Variants in PALM2AKAP2 observed in about 807,000 individuals in gnomAD.
PALM2AKAP2 encodes the protein PALM2-AKAP2 fusion protein.
Under a neutral mutation model 71.5 loss-of-function variants are expected in PALM2AKAP2, and 37 were observed. The observed-to-expected ratio is 0.52, with a 90% CI of 0.40 to 0.68. PALM2AKAP2 has a LOEUF of 0.68. Ranked by LOEUF, PALM2AKAP2 falls within the 30% of genes least tolerant of loss-of-function variation. The pLI, the probability that PALM2AKAP2 is intolerant of heterozygous loss-of-function variation, is 0.00. For synonymous variants in PALM2AKAP2, 468 were observed against 478.8 expected (o/e 0.98, Z 0.29); for missense variants, 1,224 against 1,191.8 (o/e 1.03, Z -0.40).
intron 1 of PALM2AKAP2, among the ~76,000 whole-genome samples, chr9:110,084,145 C>G (rs1265554024): frequency 1.3e-5 from 2 of 152,134 alleles, no homozygotes; most frequent in Non-Finnish European, 2.9e-5. Context: ...AAAGTTTAGG[C>G]TTGAATTAGC....
chr9:110,066,573 C>T (rs1197975262), intron 1 of PALM2AKAP2, among the ~76,000 whole-genome samples: 2 of 151,964 alleles, frequency 1.3e-5, no homozygotes, highest in African/African-American at 2.4e-5. Context: ...TGGTGCACAC[C>T]TGTAGTCCTG....
intron 1 of PALM2AKAP2, among the ~76,000 whole-genome samples, chr9:109,656,922 T>C (rs762682769): frequency 2.0e-5 from 3 of 152,236 alleles, no homozygotes; most frequent in Non-Finnish European, 4.4e-5. Flanking sequence ...CACCATTATA[T>C]TGTAGCAATA....
At chr9:110,150,928 A>G (rs966754213) in intron 2 of PALM2AKAP2, among the ~76,000 whole-genome samples, 2 of 152,230 alleles carry the variant, frequency 1.3e-5, no homozygotes, top group Admixed American at 6.5e-5. Context: ...AGTCTAAAAC[A>G]TCATTTATAA....
In PALM2AKAP2 at chr9:109,736,446, C is replaced by CTATTG. The variant is rs1328147528; in HGVS notation, c.6-44041_6-44037dup. 9.8e-5 allele frequency among the ~76,000 whole-genome samples: 15 copies of CTATTG among 152,292 alleles called. No homozygotes were observed. The South Asian group carries it at 3.1e-3, about 32-fold the overall frequency. On this transcript the variant is annotated intron_variant, in intron 1 of 6. Transcript: ENST00000374531. ...GTGAATTCAGACCACCACTCAGTCACTATTGGCCAAACAATAGTCTAAGCA... is the reference window on the plus strand; with the variant it reads ...GTGAATTCAGACCACCACTCAGTCACTATTGTATTGGCCAAACAATAGTCTAAGCA...
chr9:109,648,747 C>T (rs75278104), intron 1 of PALM2AKAP2, among the ~76,000 whole-genome samples: 5,441 of 152,232 alleles, frequency 0.036, 308 homozygotes, highest in African/African-American at 0.12. Context: ...GCAGTCAGAA[C>T]ACCACCAGCC....
intron 6 of PALM2AKAP2, among the ~76,000 whole-genome samples, chr9:109,978,965 CACAA>C (rs1832218482): frequency 6.6e-6 from 1 of 151,850 alleles, no homozygotes; most frequent in Non-Finnish European, 1.5e-5. Context: ...CTGTCTTCTC[CACAA>C]GCCTCTCTGC....
upstream of PALM2AKAP2, among the ~76,000 whole-genome samples, chr9:110,045,724 C>T (rs1290940927): frequency 6.6e-6 from 1 of 152,210 alleles, no homozygotes; most frequent in Non-Finnish European, 1.5e-5. Flanking sequence ...TCTGCCACCA[C>T]GTCTGGCTAA....
chr9:110,129,250 A>G (rs1020940850), intron 1 of PALM2AKAP2, among the ~76,000 whole-genome samples: 1 of 152,252 alleles, frequency 6.6e-6, no homozygotes, highest in African/African-American at 2.4e-5. Flanking sequence ...TAAAGGGATC[A>G]TCGACTTTTA....
At chr9:110,013,484 A>T (rs1394716850) in intron 6 of PALM2AKAP2, among the ~76,000 whole-genome samples, 2 of 152,242 alleles carry the variant, frequency 1.3e-5, no homozygotes, top group East Asian at 3.8e-4. Flanking sequence ...TGTCAAGGAA[A>T]TAATCTATTC....
chr9:109,748,157 G>C (rs1355756605), intron 1 of PALM2AKAP2, among the ~76,000 whole-genome samples: 1 of 152,174 alleles, frequency 6.6e-6, no homozygotes, highest in Non-Finnish European at 1.5e-5. Flanking sequence ...GAATGAAGTA[G>C]AGTTGTGTTT....
upstream of PALM2AKAP2, among the ~76,000 whole-genome samples, chr9:109,778,987 C>G (rs1829390306): frequency 6.6e-6 from 1 of 152,130 alleles, no homozygotes; most frequent in Non-Finnish European, 1.5e-5. Context: ...CCAGGCTGGT[C>G]TCGAACTCCT....
intron 3 of PALM2AKAP2, among the ~76,000 whole-genome samples, chr9:109,896,283 C>T (rs1587992113): frequency 6.6e-6 from 1 of 152,168 alleles, no homozygotes; most frequent in Non-Finnish European, 1.5e-5. Context: ...ATTCAATTAC[C>T]TCCCCACCAG....
intron 2 of PALM2AKAP2, among the ~76,000 whole-genome samples, chr9:109,879,470 G>C (rs765119315): frequency 5.3e-5 from 8 of 152,192 alleles, no homozygotes; most frequent in Non-Finnish European, 1.2e-4. Flanking sequence ...AGTAGCTGCT[G>C]CCGTCTGCCA....
intron 6 of PALM2AKAP2, among the ~76,000 whole-genome samples, chr9:109,938,718 T>C (rs530806555): frequency 1.3e-5 from 2 of 152,278 alleles, no homozygotes; most frequent in African/African-American, 4.8e-5. Flanking sequence ...CTTTAACTAT[T>C]TCTCCTGAAG....
intron 2 of PALM2AKAP2, among the ~76,000 whole-genome samples, chr9:110,150,916 A>G (rs184473418): frequency 6.6e-6 from 1 of 152,340 alleles, no homozygotes; most frequent in Admixed American, 6.5e-5. Flanking sequence ...TCTAAGTTTG[A>G]GAGTCTAAAA....
chr9:109,772,681 A>T, intron 1 of PALM2AKAP2, among the ~76,000 whole-genome samples: 1 of 152,256 alleles, frequency 6.6e-6, no homozygotes, highest in East Asian at 1.9e-4. Context: ...CAAGGAGTGA[A>T]TGAGAGCCCC....
chr9:109,996,415 G>A (rs1489729278), intron 6 of PALM2AKAP2, among the ~76,000 whole-genome samples: 1 of 152,220 alleles, frequency 6.6e-6, no homozygotes, highest in Non-Finnish European at 1.5e-5. Context: ...CTTGCTGCAA[G>A]TCTCATGGTT....
intron 1 of PALM2AKAP2, among the ~76,000 whole-genome samples, chr9:110,092,775 T>A (rs1205101239): frequency 2.0e-5 from 3 of 152,208 alleles, no homozygotes; most frequent in Non-Finnish European, 4.4e-5. Flanking sequence ...TCCCTCTGTG[T>A]TGGTTCTATT....
Position 110,037,528 on chromosome 9 carries a change from C to T in PALM2AKAP2, c.582+21489C>T, listed in dbSNP as rs1234883105. 2.0e-5 allele frequency among the ~76,000 whole-genome samples: 3 copies of T among 152,304 alleles called. No homozygotes were observed. The South Asian group carries it at 6.2e-4, about 32-fold the overall frequency. ...GCTTCAACAACAAATATTTAATGAG[C>T]ACCTACTCTATGCCAAGCTCTAGGC... On this transcript the variant is annotated intron_variant, in intron 7 of 9. Transcript: ENST00000302798.
Sources: gnomAD v4.1 joint callset for allele counts (sites outside exome capture counted in the v4.1 genomes callset) on GRCh38, gnomAD v4.1.1 for gene constraint, MANE v1.5 for transcripts, NCBI Gene and HGNC (gene_info 2026-07-23, HGNC 2026-07-21) for gene names.